KCNIP4: variants seen among roughly 807,000 people sequenced by gnomAD.
KCNIP4 encodes Kv channel-interacting protein 4.
In KCNIP4, 12 loss-of-function variants were observed where a neutral mutation model predicts 34.0. The observed-to-expected ratio is 0.35, with a 90% confidence interval of 0.23 to 0.57. The LOEUF is 0.57. KCNIP4 is among the 20% of genes least tolerant of loss of function. The pLI is 0.83. For synonymous variants in KCNIP4, 124 were observed against 102.2 expected, an observed-to-expected ratio of 1.21 and a Z score of -1.29; for missense variants, 238 against 311.7, an observed-to-expected ratio of 0.76 and a Z score of 1.78.
At chr4:21,850,384 A>G (rs1400579394) in intron 1 of KCNIP4, 4 of 152,044 alleles carry the variant, frequency 2.6e-5, no homozygotes, top group African/African-American at 9.7e-5. Context: ...TCCAAAACTC[A>G]TGTTGAAACT....
chr4:20,730,001 A>G lies in KCNIP4; in HGVS notation c.*81T>C, dbSNP rs993750985. ...GCTTCAGTGTCAAGCTGAGCAATCT[A>G]TGCTAAAAGTGGTAGCTCCAACTTT... On this transcript the variant is annotated 3_prime_UTR_variant, in exon 9 of 9. Coordinates refer to ENST00000382152, the MANE Select transcript of KCNIP4 (RefSeq NM_025221.6). 6.6e-6 allele frequency: 10 copies of G among 1,503,978 alleles called. No homozygotes were observed. In the African/African-American group the frequency reaches 9.8e-5, roughly 15 times the overall value. 93.2% of individuals were successfully genotyped at this position (1,503,978 alleles called of 1,614,324 possible).
At chr4:20,900,946 C>A (rs185576572) in intron 1 of KCNIP4, among the ~76,000 whole-genome samples, 173 of 152,268 alleles carry the variant, frequency 1.1e-3, no homozygotes, top group Admixed American at 2.9e-3. Flanking sequence ...CCTATCTATT[C>A]TCTGATTGAG....
At chr4:21,094,025 TG>T (rs1245944914) in intron 1 of KCNIP4, among the ~76,000 whole-genome samples, 1 of 151,808 alleles carries the variant, frequency 6.6e-6, no homozygotes, top group African/African-American at 2.4e-5. Context: ...GAGCTTGCAG[TG>T]AGCCAAGATC....
chr4:21,265,276 A>G (rs1761726606), intron 1 of KCNIP4, among the ~76,000 whole-genome samples: 1 of 152,182 alleles, frequency 6.6e-6, no homozygotes, highest in Non-Finnish European at 1.5e-5. Context: ...ATGTGTTTGC[A>G]TAAGAAGTGA....
chr4:21,649,845 C>T (rs576547179), intron 1 of KCNIP4, among the ~76,000 whole-genome samples: 1 of 152,126 alleles, frequency 6.6e-6, no homozygotes, highest in Non-Finnish European at 1.5e-5. Context: ...TAAAGGGAAA[C>T]AAGATTAATG....
intron 1 of KCNIP4, among the ~76,000 whole-genome samples, chr4:21,219,830 G>GA (rs77406270): frequency 0.062 from 9,394 of 150,722 alleles, 340 homozygotes; most frequent in East Asian, 0.13. Flanking sequence ...TTCCTTTTAA[G>GA]AAAAAAAAAT....
In KCNIP4 at chr4:20,819,701, C is replaced by T. The variant is rs549218104; in HGVS notation, c.288+30842G>A. Among the ~76,000 whole-genome samples the T allele has an allele frequency of 1.8e-4, 27 of 152,272 alleles. No homozygotes were observed. The South Asian group carries it at 4.1e-3, about 23-fold the overall frequency. On this transcript the variant is annotated intron_variant, in intron 3 of 8. Transcript: ENST00000382152. ...AGAAGTGATTATGTCATGAGTGCTT[C>T]GCCTCATTAATGGGATTAGTGCTGT...
At chr4:21,697,560 A>G in intron 1 of KCNIP4, 7 of 1,415,996 alleles carry the variant, frequency 4.9e-6, no homozygotes, top group Non-Finnish European at 6.4e-6. Context: ...AGGCTGCCTT[A>G]CAACTCCTGT....
intron 1 of KCNIP4, among the ~76,000 whole-genome samples, chr4:21,103,304 C>CATATATAATATATAATATAAAAT (rs1560722565): frequency 1.9e-4 from 27 of 144,476 alleles, no homozygotes; most frequent in Non-Finnish European, 3.5e-4. Flanking sequence ...ATATATATAA[C>CATATATAATATATAATATAAAAT]ATATATAATA....
intron 5 of KCNIP4, among the ~76,000 whole-genome samples, chr4:20,740,373 C>T (rs942897352): frequency 1.3e-4 from 20 of 152,248 alleles, no homozygotes; most frequent in Admixed American, 2.6e-4. Context: ...AGACTAACAG[C>T]GGAACTCTCG....
intron 1 of KCNIP4, among the ~76,000 whole-genome samples, chr4:21,009,045 G>A (rs1304473237): frequency 6.6e-6 from 1 of 152,128 alleles, no homozygotes; most frequent in African/African-American, 2.4e-5. Flanking sequence ...TAATACAGAG[G>A]CAGATGTTTT....
chr4:21,930,871 G>T lies in KCNIP4; in HGVS notation c.61+17700C>A, dbSNP rs182114242. ...CTTGTCCACATGTCCCTCTCTCCCA[G>T]TGAATTGCAAGCAGGTGCTAGTCTT... is the stretch of plus-strand genomic sequence containing the variant. On this transcript the variant is annotated intron_variant, in intron 1 of 8. Transcript: ENST00000382152. 1.1e-4 allele frequency among the ~76,000 whole-genome samples: 16 copies of T among 152,234 alleles called. 1 individual carries two copies. Among genetic ancestry groups the T allele is most frequent in the Admixed American group, 1.0e-3 (16 of 15,286 alleles).
intron 3 of KCNIP4, among the ~76,000 whole-genome samples, chr4:20,762,644 CAT>C (rs1405409249): frequency 6.6e-6 from 1 of 152,202 alleles, no homozygotes. Context: ...AAGTGTAAAA[CAT>C]AAACAATGTG....
intron 1 of KCNIP4, among the ~76,000 whole-genome samples, chr4:21,248,369 T>C (rs547127198): frequency 1.3e-5 from 2 of 152,198 alleles, no homozygotes; most frequent in East Asian, 1.9e-4. Flanking sequence ...AAGCACAATA[T>C]ATAAAGATCG....
chr4:21,791,663 G>C (rs796845134), intron 1 of KCNIP4, among the ~76,000 whole-genome samples: 37 of 152,150 alleles, frequency 2.4e-4, no homozygotes, highest in African/African-American at 7.2e-4. Context: ...TTATGGCTTT[G>C]AGTAGGTTCC....
chr4:21,059,475 C>T (rs537196175), intron 1 of KCNIP4, among the ~76,000 whole-genome samples: 41 of 152,110 alleles, frequency 2.7e-4, no homozygotes, highest in African/African-American at 6.7e-4. Context: ...CAAGGATGGA[C>T]GGAGAAATTC....
At chr4:21,129,930 T>C (rs1458474145) in intron 1 of KCNIP4, among the ~76,000 whole-genome samples, 1 of 152,026 alleles carries the variant, frequency 6.6e-6, no homozygotes, top group East Asian at 1.9e-4. Context: ...GTTTTGTATA[T>C]CACTGACTCA....
At chr4:21,466,794 A>G in intron 1 of KCNIP4, among the ~76,000 whole-genome samples, 1 of 152,208 alleles carries the variant, frequency 6.6e-6, no homozygotes, top group East Asian at 1.9e-4. Context: ...GAATTTCTTC[A>G]GCAAGCATGG....
chr4:21,346,806 A>G (rs1045045799), intron 1 of KCNIP4, among the ~76,000 whole-genome samples: 5 of 151,958 alleles, frequency 3.3e-5, no homozygotes, highest in African/African-American at 9.7e-5. Context: ...CAGCAAAACT[A>G]TAACATACAA....
Sources: gnomAD v4.1 joint callset for allele counts (sites outside exome capture counted in the v4.1 genomes callset) on GRCh38, gnomAD v4.1.1 for gene constraint, MANE v1.5 for transcripts, NCBI Gene and HGNC (gene_info 2026-07-23, HGNC 2026-07-21) for gene names.